Variants in BAIAP3 observed in about 807,000 individuals in gnomAD.
BAIAP3 encodes BAI1-associated protein 3.
BAIAP3 carries 180 observed loss-of-function variants against 149.7 expected under a neutral mutation model. The observed-to-expected ratio is 1.20, with a 90% CI of 1.07 to 1.36. The LOEUF (loss-of-function observed/expected upper bound fraction) is 1.36, where lower values mean the gene tolerates loss of function less well. Ranked by LOEUF, BAIAP3 falls within the 40% of genes most tolerant of loss-of-function variation. The pLI, the probability that BAIAP3 is intolerant of heterozygous loss-of-function variation, is 0.00. For missense variants in BAIAP3, 1,767 were observed against 1,563.4 expected, an observed-to-expected ratio of 1.13 and a Z score of -2.20; for synonymous variants, 845 against 670.7, an observed-to-expected ratio of 1.26 and a Z score of -4.02.
intron 6 of BAIAP3, 24 bp downstream of exon 6, chr16:1,341,005 G>A: frequency 6.2e-7 from 1 of 1,606,806 alleles, no homozygotes; most frequent in Non-Finnish European, 8.5e-7. Flanking sequence ...TGCCTGGGCA[G>A]GCACTGACCA....
At chr16:1,347,203 C>T (rs2034436502) in intron 28 of BAIAP3, 95 bp from the exon 29 acceptor site, 1 of 1,293,318 alleles carries the variant, frequency 7.7e-7, no homozygotes, top group African/African-American at 1.5e-5. Flanking sequence ...TGCTGAGCCC[C>T]CAGTGCTGCC....
intron 22 of BAIAP3, 164 bp downstream of exon 22, chr16:1,345,536 C>CCGGCCTCCT: frequency 3.8e-6 from 1 of 259,980 alleles, no homozygotes; most frequent in Non-Finnish European, 5.9e-6. Flanking sequence ...CCCAGCCTCC[C>CCGGCCTCCT]CAGCAACCCC....
chr16:1,334,763 C>T, intron 1 of BAIAP3: 1 of 1,549,240 alleles, frequency 6.5e-7, no homozygotes, highest in Non-Finnish European at 8.7e-7. Context: ...GTCGGTGAGA[C>T]CAGGGAGAGA....
At position 1,343,316 on chromosome 16, in the gene BAIAP3, G is replaced by T; in HGVS notation, c.1266-77G>T. On this transcript the variant is annotated intron_variant, in intron 14 of 33. Transcript: ENST00000426824. ...CTGATTGGGTGGGGCAGAGAAAGGG[G>T]TAGTGCTGTAGGCGGTGCTGAGTGG... 4 of 1,528,868 alleles carry T rather than the reference G, an allele frequency of 2.6e-6. No individual in the cohort carries two copies. In the South Asian group the frequency reaches 3.7e-5, roughly 14 times the overall value. 94.7% of individuals were successfully genotyped at this position (1,528,868 alleles called of 1,614,324 possible). A position where few individuals can be genotyped will look rare whatever the true frequency, so the allele number is the denominator to read the frequency against.
Position 1,342,948 on chromosome 16 carries a change from A to G in BAIAP3, c.1197A>G (p.Thr399=). 3.1e-6 allele frequency: 5 copies of G among 1,611,804 alleles called. No individual in the cohort carries two copies. The Middle Eastern group carries it at 6.7e-4, about 216-fold the overall frequency. The change falls in exon 14 of 34, where the codon ACA becomes ACG. Residue 399 remains threonine, a synonymous_variant. Coordinates refer to ENST00000426824, the MANE Select transcript of BAIAP3 (RefSeq NM_001199097.2). ...GCAGCTGGCGAGGAGAGCTCAGCACACCAGCCGCCACCATCCTCTGCCTGC... is the reference window on the plus strand; with the variant it reads ...GCAGCTGGCGAGGAGAGCTCAGCACGCCAGCCGCCACCATCCTCTGCCTGC... ...NSSSWRGELS[T]PAATILCLHG... is the part of the protein sequence containing the mutation.
At chr16:1,334,441 G>A in intron 1 of BAIAP3, 1 of 569,220 alleles carries the variant, frequency 1.8e-6, no homozygotes, top group East Asian at 2.9e-5. Context: ...CCCCGGGAAA[G>A]GGGGTGCCGC....
chr16:1,334,855 C>A, intron 1 of BAIAP3: 1 of 1,194,298 alleles, frequency 8.4e-7, no homozygotes, highest in Non-Finnish European at 1.2e-6. Context: ...GAGAGAAGAC[C>A]AAGAGGGCAG....
chr16:1,341,787 G>A (rs199993548), intron 8 of BAIAP3, 35 bp from the exon 9 acceptor site: 36 of 1,604,112 alleles, frequency 2.2e-5, no homozygotes, highest in African/African-American at 5.4e-5. Flanking sequence ...GAGCCTCGCC[G>A]GGGACCCTCA....
rs146826887 is a variant in BAIAP3, at chr16:1,342,631, G to C, written c.1062G>C (p.Thr354=). 3.2e-6 allele frequency: 5 copies of C among 1,586,484 alleles called. No homozygotes were observed. The highest frequency in any genetic ancestry group is 4.3e-6 in the Non-Finnish European group (5 of 1,167,166). Reference sequence around the variant, plus strand: ...ACCTGGTTCTCAAGCTGATCACTACGCAGGTGGGGAAAGTGGGCGTCCCCG... The same window carrying C: ...ACCTGGTTCTCAAGCTGATCACTACCCAGGTGGGGAAAGTGGGCGTCCCCG... ...HCHLVLKLIT[T]QRDTAMSQRG... Residue 354 remains threonine, a synonymous_variant, in exon 12 of 34, where the codon ACG becomes ACC. Coordinates refer to ENST00000426824, the MANE Select transcript of BAIAP3 (RefSeq NM_001199097.2).
intron 9 of BAIAP3, 40 bp from the exon 10 acceptor site, chr16:1,341,946 C>T (rs747457993): frequency 4.0e-5 from 64 of 1,581,772 alleles, no homozygotes; most frequent in South Asian, 1.8e-4. Flanking sequence ...GGCCCGGCTG[C>T]GGGCTCCAGA....
rs770107813 is a variant in BAIAP3 at position 1,338,592 on chromosome 16, G to T, written c.43G>T (p.Val15Leu). The change falls in exon 2 of 34, where the codon GTG (valine) becomes TTG (leucine). Residue 15 changes from valine to leucine, a missense_variant. Coordinates refer to ENST00000426824, the MANE Select transcript of BAIAP3 (RefSeq NM_001199097.2). ...CATTAAGAGCAGCGTGCTCAGGCAG[G>T]TGCAGGTGTGCCCGTCCTTCCGCCG... ...LDIKSSVLRQVQVCPSFRRRT... is the reference protein window; with the variant it reads ...LDIKSSVLRQLQVCPSFRRRT... The T allele has an allele frequency of 6.2e-7, 1 of 1,609,222 alleles. No homozygotes were observed. The highest frequency in any genetic ancestry group is 8.5e-7 in the Non-Finnish European group (1 of 1,178,410).
At position 1,345,907 on chromosome 16, in the gene BAIAP3, T is replaced by C. The variant is rs1391346704; in HGVS notation, c.2208+17T>C. On this transcript the variant is annotated intron_variant, in intron 23 of 33. Coordinates refer to ENST00000426824, the MANE Select transcript of BAIAP3 (RefSeq NM_001199097.2). Reference sequence around the variant, plus strand: ...CTTGGCCAGGTGTGTGGGTGGGCCCTGGGGGTGAGGGGAACGGGTGGGAGA... The same window carrying C: ...CTTGGCCAGGTGTGTGGGTGGGCCCCGGGGGTGAGGGGAACGGGTGGGAGA... 2 of 1,574,406 alleles carry C rather than the reference T, an allele frequency of 1.3e-6. No individual in the cohort carries two copies. The highest frequency in any genetic ancestry group is 2.3e-5 in the East Asian group (1 of 43,570).
At chr16:1,342,865 G>A (rs775975844) in intron 13 of BAIAP3, 48 bp from the exon 14 acceptor site, 1 of 1,612,084 alleles carries the variant, frequency 6.2e-7, no homozygotes, top group African/African-American at 1.3e-5. Flanking sequence ...CCTGAGGAGG[G>A]GATGTGGGGC....
rs759252012 is a variant in BAIAP3, at chr16:1,340,999, T to G, written c.468+18T>G. On this transcript the variant is annotated intron_variant, in intron 6 of 33. Coordinates refer to ENST00000426824, the MANE Select transcript of BAIAP3 (RefSeq NM_001199097.2). ...AGGCCAAGGTGAGGCCGCCACTGCC[T>G]GGGCAGGCACTGACCAGCACGTGCC... 7 of 1,605,650 alleles carry G rather than the reference T, an allele frequency of 4.4e-6. No individual in the cohort carries two copies. Among genetic ancestry groups the G allele is most frequent in the East Asian group, 4.5e-5 (2 of 44,410 alleles).
rs185796800 is a variant in BAIAP3 at position 1,340,811 on chromosome 16, G to A, written c.409-111G>A. 96 of 1,186,080 alleles carry A rather than the reference G, an allele frequency of 8.1e-5. No individual in the cohort carries two copies. The Admixed American group carries it at 1.3e-3, about 16-fold the overall frequency. 73.5% of individuals were successfully genotyped at this position (1,186,080 alleles called of 1,614,324 possible). A position where few individuals can be genotyped will look rare whatever the true frequency, so the allele number is the denominator to read the frequency against. On this transcript the variant is annotated intron_variant, in intron 5 of 33. Transcript: ENST00000426824. ...CCAGGCTTCCCCCAACCCTGCACCC[G>A]TGAGGACTGAGGTTGGGTGTCTGTG... is the stretch of plus-strand genomic sequence containing the variant.
Position 1,344,660 on chromosome 16 carries a change from T to A in BAIAP3, c.1719T>A (p.Leu573=). The A allele has an allele frequency of 1.2e-6, 2 of 1,613,448 alleles. No homozygotes were observed. Among genetic ancestry groups the A allele is most frequent in the Non-Finnish European group, 1.7e-6 (2 of 1,180,002 alleles). Residue 573 remains leucine (L), a synonymous_variant, in exon 19 of 34, where the codon CTT becomes CTA. Coordinates refer to ENST00000426824, the MANE Select transcript of BAIAP3 (RefSeq NM_001199097.2). ...VVLADAVYDD[L]QFCYSVYASL... ...TGGCTGACGCCGTCTATGATGACCT[T>A]CAGTTCTGCTACAGTGTGTACGCCA...
rs1291403534 is a variant in BAIAP3, at chr16:1,339,725, ACAGAGACGGCTG to A, written c.408+126_408+137del. Reference sequence around the variant, plus strand: ...AATCTCCCCGATCCGTGCACAGCACACAGAGACGGCTGCAGGTGCACACACACACACGCACAC... The same window carrying A: ...AATCTCCCCGATCCGTGCACAGCACACAGGTGCACACACACACACGCACAC... On this transcript the variant is annotated intron_variant, in intron 5 of 33. Coordinates refer to ENST00000426824, the MANE Select transcript of BAIAP3 (RefSeq NM_001199097.2). 1.7e-5 allele frequency: 14 copies of A among 812,994 alleles called. 1 individual carries two copies. Among genetic ancestry groups the A allele is most frequent in the Non-Finnish European group, 2.2e-5 (11 of 501,010 alleles). 50.4% of individuals were successfully genotyped at this position (812,994 alleles called of 1,614,324 possible).
Position 1,344,530 on chromosome 16 carries a change from A to G in BAIAP3, c.1659+5A>G, listed in dbSNP as rs372991016. On this transcript the variant is annotated splice_donor_5th_base_variant and intron_variant, in intron 18 of 33. Coordinates refer to ENST00000426824, the MANE Select transcript of BAIAP3 (RefSeq NM_001199097.2). Reference sequence around the variant, plus strand: ...GACAAGAGTCCCCGAGAGCAGGTGCAGTTGTGGGGGACCCTGGCCATGAGG... The same window carrying G: ...GACAAGAGTCCCCGAGAGCAGGTGCGGTTGTGGGGGACCCTGGCCATGAGG... 2.4e-5 allele frequency: 39 copies of G among 1,612,966 alleles called. No homozygotes were observed. In the African/African-American group the frequency reaches 5.2e-4, roughly 21 times the overall value.
rs745626333 is a variant in BAIAP3 at position 1,342,726 on chromosome 16, C to T, written c.1073C>T (p.Thr358Met). The T allele has an allele frequency of 2.4e-5, 38 of 1,612,190 alleles. No homozygotes were observed. The highest frequency in any genetic ancestry group is 3.1e-5 in the Non-Finnish European group (36 of 1,179,980). ...VLKLITTQRD[T>M]AMSQRGRSGF... ...GTGGGCTCTGCGTTGCAGAGGGATA[C>T]GGCCATGAGCCAGCGCGGGCGATCC... The change falls in exon 13 of 34, where the codon ACG becomes ATG. Residue 358 changes from threonine to methionine, a missense_variant. Coordinates refer to ENST00000426824, the MANE Select transcript of BAIAP3 (RefSeq NM_001199097.2).
Sources: gnomAD v4.1 joint callset for allele counts on GRCh38, gnomAD v4.1.1 for gene constraint, MANE v1.5 for transcripts, NCBI Gene and HGNC (gene_info 2026-07-23, HGNC 2026-07-21) for gene names.